Variants in MAST4 observed in about 807,000 individuals in gnomAD.
MAST4 encodes microtubule associated serine/threonine kinase family member 4, also known as microtubule-associated serine/threonine-protein kinase 4.
Under a neutral mutation model 162.7 loss-of-function variants are expected in MAST4, and 89 were observed. That is an observed-to-expected ratio of 0.55 (90% CI 0.46 to 0.65). MAST4 has a LOEUF of 0.65. MAST4 is among the 30% of genes least tolerant of loss of function. MAST4 has a pLI of 0.00. For synonymous variants in MAST4, 1,479 were observed against 1,361.1 expected, an observed-to-expected ratio of 1.09 and a Z score of -1.91; for missense variants, 3,153 against 3,374.0, an observed-to-expected ratio of 0.93 and a Z score of 1.62.
intron 5 of MAST4, among the ~76,000 whole-genome samples, chr5:67,087,450 C>G (rs1051192531): frequency 6.6e-6 from 1 of 152,190 alleles, no homozygotes; most frequent in Non-Finnish European, 1.5e-5. Context: ...TCTAACTAAT[C>G]AGTACCAATA....
chr5:66,624,144 ATGTTTTT>A lies in MAST4; in HGVS notation c.363+27128_363+27134del, dbSNP rs1561220562. On this transcript the variant is annotated intron_variant, in intron 1 of 28. Transcript: ENST00000403625. ...GATTGGAAGAATTAATATTGTTAAA[ATGTTTTT>A]TTTTTTTTTTTTTTTTTTGAGATGG... 4.9e-5 allele frequency among the ~76,000 whole-genome samples: 4 copies of A among 81,802 alleles called. 1 individual carries two copies. The highest frequency in any genetic ancestry group is 4.4e-4 in the Admixed American group (3 of 6,804). 53.7% of individuals were successfully genotyped at this position (81,802 alleles called of 152,430 possible). A position where few individuals can be genotyped will look rare whatever the true frequency, so the allele number is the denominator to read the frequency against.
intron 14 of MAST4, among the ~76,000 whole-genome samples, chr5:67,126,304 C>T (rs905433287): frequency 6.6e-6 from 1 of 152,132 alleles, no homozygotes; most frequent in African/African-American, 2.4e-5. Context: ...GTGTTTTAGT[C>T]ATGAAGTCTT....
At chr5:66,641,387 C>A (rs1330370402) in intron 1 of MAST4, among the ~76,000 whole-genome samples, 1 of 152,012 alleles carries the variant, frequency 6.6e-6, no homozygotes, top group African/African-American at 2.4e-5. Flanking sequence ...GAACTCCTGG[C>A]CTCAAATGAT....
At chr5:66,927,951 A>T (rs765817509) in intron 4 of MAST4, among the ~76,000 whole-genome samples, 15 of 152,114 alleles carry the variant, frequency 9.9e-5, no homozygotes, top group Non-Finnish European at 5.9e-5. Flanking sequence ...CAGAAGCATC[A>T]TCTCCATCTC....
chr5:67,055,731 A>G (rs1758720935), intron 5 of MAST4, among the ~76,000 whole-genome samples: 1 of 152,196 alleles, frequency 6.6e-6, no homozygotes, highest in South Asian at 2.1e-4. Context: ...ACAGATGAAG[A>G]CAAGTTCTAG....
At chr5:67,100,653 G>A (rs1233369786) in intron 8 of MAST4, 61 bp downstream of exon 8, 97 of 1,601,138 alleles carry the variant, frequency 6.1e-5, no homozygotes, top group Non-Finnish European at 8.1e-5. Flanking sequence ...AACATTTTGA[G>A]TGAACACTTC....
At chr5:67,070,170 T>G (rs1330136463) in intron 5 of MAST4, among the ~76,000 whole-genome samples, 1 of 152,182 alleles carries the variant, frequency 6.6e-6, no homozygotes, top group Non-Finnish European at 1.5e-5. Flanking sequence ...ATCATTTCAT[T>G]TGACAGTTTT....
At chr5:66,741,940 G>A (rs1199689733) in intron 1 of MAST4, among the ~76,000 whole-genome samples, 2 of 152,152 alleles carry the variant, frequency 1.3e-5, no homozygotes, top group African/African-American at 4.8e-5. Context: ...ATAAGGAGAG[G>A]AAATCGAGTT....
intron 1 of MAST4, among the ~76,000 whole-genome samples, chr5:66,711,140 AG>A (rs1331206745): frequency 1.3e-5 from 2 of 152,186 alleles, no homozygotes; most frequent in Non-Finnish European, 2.9e-5. Flanking sequence ...TGCGTCCATG[AG>A]GATCATCCTT....
intron 4 of MAST4, among the ~76,000 whole-genome samples, chr5:67,007,527 G>A (rs958299111): frequency 6.6e-5 from 10 of 152,160 alleles, no homozygotes; most frequent in Admixed American, 1.3e-4. Context: ...TGTTTGTTCT[G>A]ATTAACATTG....
chr5:67,166,392 C>G lies in MAST4; in HGVS notation c.7213C>G (p.Arg2405Gly), dbSNP rs1327618478. ...CGAGAACCGGTTGAAAGGCGCGGAG[C>G]GGCCAGCCGCGGGGGTGGGGAAGGG... is the stretch of plus-strand genomic sequence containing the variant. Reference protein sequence around the residue: ...HSENRLKGAERPAAGVGKGFP... With the variant: ...HSENRLKGAEGPAAGVGKGFP... Residue 2405 changes from arginine to glycine, a missense_variant, in exon 29 of 29, where the codon CGG becomes GGG. Physicochemically the swap from Arg to Gly is moderately radical, Grantham distance 125. Transcript: ENST00000403625. 1.4e-5 allele frequency: 22 copies of G among 1,610,064 alleles called. No individual in the cohort carries two copies. The highest frequency in any genetic ancestry group is 1.6e-5 in the Non-Finnish European group (19 of 1,178,114).
At chr5:66,857,369 C>G (rs189530641) in intron 3 of MAST4, among the ~76,000 whole-genome samples, 272 of 152,272 alleles carry the variant, frequency 1.8e-3, no homozygotes, top group Admixed American at 3.7e-3. Flanking sequence ...AGTGGACATC[C>G]ATGTGTGGAT....
intron 4 of MAST4, among the ~76,000 whole-genome samples, chr5:66,964,755 A>C (rs1445847766): frequency 6.6e-6 from 1 of 152,238 alleles, no homozygotes; most frequent in Non-Finnish European, 1.5e-5. Flanking sequence ...GTGAGCTGAG[A>C]TCTGGCCACT....
chr5:67,151,884 C>T (rs1365011252), intron 24 of MAST4, among the ~76,000 whole-genome samples: 1 of 151,528 alleles, frequency 6.6e-6, no homozygotes, highest in African/African-American at 2.4e-5. Flanking sequence ...CCTCTCACCT[C>T]AGTCTCCCAC....
intron 4 of MAST4, among the ~76,000 whole-genome samples, chr5:66,910,248 C>A (rs1763654692): frequency 6.6e-6 from 1 of 152,160 alleles, no homozygotes; most frequent in Admixed American, 6.5e-5. Context: ...AAGGGGAAAC[C>A]TGCAGCCACA....
chr5:66,714,338 C>T (rs1194535999), intron 1 of MAST4, among the ~76,000 whole-genome samples: 1 of 152,172 alleles, frequency 6.6e-6, no homozygotes, highest in Non-Finnish European at 1.5e-5. Flanking sequence ...CCTGTATCAT[C>T]GAAACTGTCC....
intron 3 of MAST4, among the ~76,000 whole-genome samples, chr5:66,795,127 C>T (rs1025924595): frequency 1.3e-5 from 2 of 152,134 alleles, no homozygotes; most frequent in African/African-American, 4.8e-5. Context: ...AATTAGTTAA[C>T]TCTGAGAGAG....
intron 4 of MAST4, among the ~76,000 whole-genome samples, chr5:66,973,644 A>C (rs1477367464): frequency 6.6e-6 from 1 of 152,154 alleles, no homozygotes; most frequent in Non-Finnish European, 1.5e-5. Flanking sequence ...TATACTCTTC[A>C]CAACAAGATT....
intron 3 of MAST4, among the ~76,000 whole-genome samples, chr5:66,881,449 C>A (rs1366761404): frequency 1.3e-5 from 2 of 152,200 alleles, no homozygotes; most frequent in Admixed American, 1.3e-4. Context: ...TTTCTCTTTC[C>A]TAACACAAGA....
Sources: allele counts gnomAD v4.1 joint callset (sites outside exome capture counted in the v4.1 genomes callset), GRCh38; gene constraint gnomAD v4.1.1; transcripts MANE v1.5; gene names NCBI Gene and HGNC (gene_info 2026-07-23, HGNC 2026-07-21).